The following OTUD7A variants were observed in gnomAD, a reference collection of about 807,000 sequenced individuals.
The protein encoded by OTUD7A is OTU domain-containing protein 7A.
OTUD7A carries 12 observed loss-of-function variants against 65.7 expected under a neutral mutation model. The observed-to-expected ratio is 0.18, with a 90% CI of 0.12 to 0.30. OTUD7A has a LOEUF of 0.30. Ranked by LOEUF, OTUD7A falls within the 10% of genes least tolerant of loss-of-function variation. The pLI is 1.00. For missense variants in OTUD7A, 1,148 were observed against 1,304.8 expected, an observed-to-expected ratio of 0.88 and a Z score of 1.85; for synonymous variants, 641 against 586.3, an observed-to-expected ratio of 1.09 and a Z score of -1.35.
At chr15:31,552,327 G>A (rs1358299319) in intron 5 of OTUD7A, among the ~76,000 whole-genome samples, 1 of 152,178 alleles carries the variant, frequency 6.6e-6, no homozygotes, top group East Asian at 1.9e-4. Context: ...AATGGGCTAT[G>A]ACAATAGGAT....
intron 4 of OTUD7A, among the ~76,000 whole-genome samples, chr15:31,566,706 A>G (rs1341548813): frequency 6.6e-6 from 1 of 152,170 alleles, no homozygotes; most frequent in Non-Finnish European, 1.5e-5. Context: ...CCCCTTGGTG[A>G]TAAGTGAGCT....
chr15:31,599,492 A>G (rs1434917195), intron 3 of OTUD7A, among the ~76,000 whole-genome samples: 1 of 152,228 alleles, frequency 6.6e-6, no homozygotes, highest in African/African-American at 2.4e-5. Context: ...AAGGTCACCA[A>G]CATCAAAGAC....
intron 1 of OTUD7A, among the ~76,000 whole-genome samples, chr15:31,682,015 G>A (rs894707841): frequency 1.3e-5 from 2 of 152,182 alleles, no homozygotes; most frequent in Admixed American, 6.5e-5. Context: ...GTGGAGGAGA[G>A]AGTGAGAGAG....
chr15:31,591,098 G>A (rs1446565816), intron 3 of OTUD7A, among the ~76,000 whole-genome samples: 1 of 152,138 alleles, frequency 6.6e-6, no homozygotes, highest in Admixed American at 6.5e-5. Context: ...TGAGCGAGGA[G>A]TGGAAGCTTC....
intron 1 of OTUD7A, among the ~76,000 whole-genome samples, chr15:31,820,874 T>G (rs182281107): frequency 1.2e-4 from 19 of 152,322 alleles, no homozygotes; most frequent in African/African-American, 3.8e-4. Context: ...CACAGAGTTG[T>G]GCAACCATCG....
intron 1 of OTUD7A, among the ~76,000 whole-genome samples, chr15:31,762,755 A>C (rs1047495413): frequency 1.1e-4 from 17 of 152,226 alleles, no homozygotes; most frequent in African/African-American, 4.1e-4. Flanking sequence ...ATTGCCTGAT[A>C]AAACAAACAA....
At chr15:31,604,118 C>T (rs184033755) in intron 3 of OTUD7A, among the ~76,000 whole-genome samples, 1 of 152,326 alleles carries the variant, frequency 6.6e-6, no homozygotes, top group African/African-American at 2.4e-5. Flanking sequence ...GATTATAAAT[C>T]ATTCTACTAT....
At chr15:31,744,007 A>G (rs1196533435) in intron 1 of OTUD7A, among the ~76,000 whole-genome samples, 1 of 152,212 alleles carries the variant, frequency 6.6e-6, no homozygotes, top group Non-Finnish European at 1.5e-5. Context: ...TTAGACATTT[A>G]GATTAATTAG....
intron 3 of OTUD7A, among the ~76,000 whole-genome samples, chr15:31,584,317 C>T (rs989391530): frequency 7.2e-5 from 11 of 152,192 alleles, no homozygotes; most frequent in African/African-American, 2.4e-4. Flanking sequence ...CTCCTAAGAA[C>T]ATAGTATGGC....
At chr15:31,505,320 A>T (rs1178878194) in intron 8 of OTUD7A, among the ~76,000 whole-genome samples, 1 of 152,246 alleles carries the variant, frequency 6.6e-6, no homozygotes. Context: ...GATGTGACTT[A>T]CTGCTTTCTT....
chr15:31,483,983 G>T lies in OTUD7A; in HGVS notation c.2113C>A (p.Pro705Thr), dbSNP rs2041185352. ...AATAKRPPRR[P>T]ETEGVPVPER... ...GGGACCGGCACGCCCTCCGTCTCCGGTCTGCGCGGCGGCCGCTTGGCCGTG... is the reference window on the plus strand; with the variant it reads ...GGGACCGGCACGCCCTCCGTCTCCGTTCTGCGCGGCGGCCGCTTGGCCGTG... The change falls in exon 13 of 13, where the codon CCG becomes ACG. Residue 705 changes from proline (P) to threonine (T), a missense_variant. By Grantham distance (38) the Pro-to-Thr change is conservative. Around this residue, in one of 6 missense-constraint regions of OTUD7A, gnomAD observed 842 missense variants for 769.5 expected, o/e 1.09. Transcript: ENST00000307050. The T allele has an allele frequency of 6.1e-6, 7 of 1,138,676 alleles. No homozygotes were observed. Among genetic ancestry groups the T allele is most frequent in the Non-Finnish European group, 7.6e-6 (7 of 926,878 alleles). 70.5% of individuals were successfully genotyped at this position (1,138,676 alleles called of 1,614,324 possible). A position where few individuals can be genotyped will look rare whatever the true frequency, so the allele number is the denominator to read the frequency against.
intron 1 of OTUD7A, among the ~76,000 whole-genome samples, chr15:31,797,191 G>A (rs577405263): frequency 4.3e-4 from 65 of 152,264 alleles, no homozygotes; most frequent in Non-Finnish European, 8.8e-4. Context: ...ATGGGAGCCC[G>A]CGCTGCCTCT....
At position 31,481,799 on chromosome 15, in the gene OTUD7A, AGAG is replaced by A. The variant is rs922768167; in HGVS notation, c.*1492_*1494del. The A allele has an allele frequency of 6.6e-6, 1 of 152,262 alleles. No individual in the cohort carries two copies. Among genetic ancestry groups the A allele is most frequent in the African/African-American group, 2.4e-5 (1 of 41,410 alleles). The allele number at this position is 152,262 out of a possible 1,614,324, so 9.4% of individuals were successfully genotyped here. On this transcript the variant is annotated 3_prime_UTR_variant, in exon 13 of 13. Transcript: ENST00000307050. ...AGTTAGGGAAAAAAGCATCGTTTCT[AGAG>A]GAGAAGCTGGCTCCAGTGAAGAGAT...
intron 3 of OTUD7A, among the ~76,000 whole-genome samples, chr15:31,610,609 A>ATTTTT (rs1566942812): frequency 2.0e-4 from 8 of 39,788 alleles, no homozygotes; most frequent in Non-Finnish European, 3.6e-4. Flanking sequence ...ATATATATAT[A>ATTTTT]TATATATATT....
intron 1 of OTUD7A, among the ~76,000 whole-genome samples, chr15:31,732,166 T>C (rs1474357646): frequency 1.3e-5 from 2 of 152,240 alleles, no homozygotes; most frequent in Non-Finnish European, 2.9e-5. Flanking sequence ...ACAACTATTT[T>C]TCTTTACTTA....
chr15:31,549,547 G>A (rs1888251126), intron 5 of OTUD7A, among the ~76,000 whole-genome samples: 1 of 152,192 alleles, frequency 6.6e-6, no homozygotes, highest in African/African-American at 2.4e-5. Context: ...CACTGACTCT[G>A]AGTTGATCAA....
At chr15:31,690,036 C>A (rs1055631098) in intron 1 of OTUD7A, among the ~76,000 whole-genome samples, 4 of 152,188 alleles carry the variant, frequency 2.6e-5, no homozygotes, top group Admixed American at 6.5e-5. Flanking sequence ...TATCTAATAA[C>A]TTATACATAA....
chr15:31,681,622 CCTTT>C (rs1437981287), intron 1 of OTUD7A, among the ~76,000 whole-genome samples: 1 of 122,670 alleles, frequency 8.2e-6, no homozygotes, highest in Non-Finnish European at 1.7e-5. Flanking sequence ...TCCCTCTATA[CCTTT>C]CTGTCTGACT....
At chr15:31,558,836 G>T in intron 5 of OTUD7A, 133 bp downstream of exon 5, 1 of 939,626 alleles carries the variant, frequency 1.1e-6, no homozygotes, top group Non-Finnish European at 1.6e-6. Context: ...GTGCGGTGCA[G>T]CATCTAGAAT....
Sources: gnomAD v4.1 joint callset for allele counts (sites outside exome capture counted in the v4.1 genomes callset) on GRCh38, gnomAD v4.1.1 for gene constraint, gnomAD v4.1.1 regional missense constraint, MANE v1.5 for transcripts, NCBI Gene and HGNC (gene_info 2026-07-23, HGNC 2026-07-21) for gene names.